NEDD4L: variants seen among roughly 807,000 people sequenced by gnomAD.
NEDD4L encodes NEDD4 like E3 ubiquitin protein ligase, also known as E3 ubiquitin-protein ligase NEDD4-like.
Under a neutral mutation model 148.9 loss-of-function variants are expected in NEDD4L, and 54 were observed. That is an observed-to-expected ratio of 0.36 (90% CI 0.29 to 0.45). The LOEUF is 0.45. Among genes scored for constraint, NEDD4L ranks in the 20% least tolerant of loss-of-function variants. The pLI is 1.00. For missense variants in NEDD4L, 856 were observed against 1,233.8 expected, an observed-to-expected ratio of 0.69 and a Z score of 4.59; for synonymous variants, 433 against 440.7, an observed-to-expected ratio of 0.98 and a Z score of 0.22.
At chr18:58,118,619 T>C (rs2086014193) in intron 1 of NEDD4L, among the ~76,000 whole-genome samples, 1 of 152,180 alleles carries the variant, frequency 6.6e-6, no homozygotes, top group Admixed American at 6.6e-5. Flanking sequence ...TTTGTGTGTA[T>C]GTATGTGTCT....
rs762132975 is a variant in NEDD4L at position 58,093,637 on chromosome 18, G to C, written c.48+48929G>C. Reference sequence around the variant, plus strand: ...GAGACTTTCTCACGGAAAGAAGTGCGATACAGTTGGTGGTAGTCTTATATT... The same window carrying C: ...GAGACTTTCTCACGGAAAGAAGTGCCATACAGTTGGTGGTAGTCTTATATT... On this transcript the variant is annotated intron_variant, in intron 1 of 30. Transcript: ENST00000400345. 2.6e-5 allele frequency among the ~76,000 whole-genome samples: 4 copies of C among 152,250 alleles called. No homozygotes were observed. The South Asian group carries it at 8.3e-4, about 32-fold the overall frequency.
chr18:58,223,686 G>A (rs1041695652), intron 2 of NEDD4L, among the ~76,000 whole-genome samples: 1 of 152,206 alleles, frequency 6.6e-6, no homozygotes, highest in African/African-American at 2.4e-5. Flanking sequence ...TAAATATGAT[G>A]TAGTGTGCTA....
chr18:58,116,083 C>T (rs2085814027), intron 1 of NEDD4L, among the ~76,000 whole-genome samples: 1 of 152,196 alleles, frequency 6.6e-6, no homozygotes, highest in South Asian at 2.1e-4. Context: ...TGCACAGGGA[C>T]CCAGCGCACA....
At chr18:58,371,300 G>A (rs2046846490) in intron 23 of NEDD4L, among the ~76,000 whole-genome samples, 1 of 142,660 alleles carries the variant, frequency 7.0e-6, no homozygotes, top group African/African-American at 2.7e-5. Context: ...TGATCCTCTT[G>A]CCTCATCCTC....
chr18:58,340,936 C>A, intron 13 of NEDD4L, 102 bp from the exon 14 acceptor site: 1 of 1,231,242 alleles, frequency 8.1e-7, no homozygotes, highest in South Asian at 1.5e-5. Flanking sequence ...ATCTAATTAA[C>A]TTTGTCTAGA....
At chr18:58,201,282 G>A (rs1008298064) in intron 2 of NEDD4L, among the ~76,000 whole-genome samples, 20 of 152,078 alleles carry the variant, frequency 1.3e-4, no homozygotes, top group African/African-American at 4.1e-4. Flanking sequence ...GCAGTGAGCC[G>A]AGATCACGCC....
chr18:58,247,247 T>C (rs1157310497), intron 3 of NEDD4L: 2 of 152,168 alleles, frequency 1.3e-5, no homozygotes, highest in African/African-American at 4.8e-5. Flanking sequence ...CCAGGTCCTT[T>C]TGTGTAAGGA....
intron 14 of NEDD4L, 108 bp from the exon 15 acceptor site, chr18:58,341,570 C>A: frequency 8.2e-7 from 1 of 1,219,452 alleles, no homozygotes; most frequent in Non-Finnish European, 1.2e-6. Flanking sequence ...TTTAAATAGG[C>A]CAGACCTCTT....
At chr18:58,273,987 C>T (rs927197658) in intron 5 of NEDD4L, among the ~76,000 whole-genome samples, 2 of 152,188 alleles carry the variant, frequency 1.3e-5, no homozygotes, top group African/African-American at 4.8e-5. Context: ...TTGGGGTTGC[C>T]CTGAAGTGAT....
intron 5 of NEDD4L, among the ~76,000 whole-genome samples, chr18:58,252,727 T>A (rs1026278749): frequency 6.6e-6 from 1 of 152,166 alleles, no homozygotes; most frequent in Non-Finnish European, 1.5e-5. Flanking sequence ...TTTATTGTTT[T>A]TAATTTTTTT....
intron 1 of NEDD4L, among the ~76,000 whole-genome samples, chr18:58,051,408 AGT>A (rs1407991824): frequency 6.6e-6 from 1 of 152,230 alleles, no homozygotes; most frequent in Admixed American, 6.5e-5. Flanking sequence ...AGAATGATTG[AGT>A]GTGACATTAT....
At chr18:58,084,847 G>A (rs961937849) in intron 1 of NEDD4L, among the ~76,000 whole-genome samples, 10 of 151,674 alleles carry the variant, frequency 6.6e-5, no homozygotes, top group East Asian at 1.9e-4. Flanking sequence ...GGTGTGTGCC[G>A]CAATGCCCAG....
At chr18:58,307,212 G>T (rs1340104130) in intron 5 of NEDD4L, among the ~76,000 whole-genome samples, 1 of 152,204 alleles carries the variant, frequency 6.6e-6, no homozygotes, top group Non-Finnish European at 1.5e-5. Context: ...GCCTTGGGAA[G>T]TTGGAGCCAT....
intron 1 of NEDD4L, among the ~76,000 whole-genome samples, chr18:58,094,673 G>A (rs1421687423): frequency 6.6e-6 from 1 of 152,080 alleles, no homozygotes; most frequent in African/African-American, 2.4e-5. Context: ...CCTTCTCCAT[G>A]GACTCCACCC....
At chr18:58,251,165 A>T (rs553355444) in intron 4 of NEDD4L, among the ~76,000 whole-genome samples, 355 of 152,272 alleles carry the variant, frequency 2.3e-3, no homozygotes, top group South Asian at 4.8e-3. Context: ...TATACATCAT[A>T]GGATTGCTGT....
rs2041757012 is a variant in NEDD4L at position 58,336,342 on chromosome 18, C to G, written c.1125+805C>G. ...CCTGTAATCCCAGCACCTTGGGAGGCTGAGGCAGGTGGATCATGAGGTCAG... is the reference window on the plus strand; with the variant it reads ...CCTGTAATCCCAGCACCTTGGGAGGGTGAGGCAGGTGGATCATGAGGTCAG... On this transcript the variant is annotated intron_variant, in intron 13 of 30. Coordinates refer to ENST00000400345, the MANE Select transcript of NEDD4L (RefSeq NM_001144967.3). Among the ~76,000 whole-genome samples the G allele has an allele frequency of 2.0e-5, 3 of 152,268 alleles. No individual in the cohort carries two copies. The South Asian group carries it at 6.2e-4, about 32-fold the overall frequency.
At chr18:58,245,077 C>A (rs183441539) in intron 2 of NEDD4L, among the ~76,000 whole-genome samples, 1 of 152,132 alleles carries the variant, frequency 6.6e-6, no homozygotes, top group Non-Finnish European at 1.5e-5. Context: ...ATTACCTAGA[C>A]GCTAGAAATA....
At chr18:58,175,231 G>A (rs1342336221) in intron 2 of NEDD4L, among the ~76,000 whole-genome samples, 1 of 152,272 alleles carries the variant, frequency 6.6e-6, no homozygotes, top group Non-Finnish European at 1.5e-5. Context: ...GCCTGCATCT[G>A]TGCAAGGCTG....
chr18:58,073,834 G>C (rs529216664), intron 1 of NEDD4L, among the ~76,000 whole-genome samples: 4 of 152,258 alleles, frequency 2.6e-5, no homozygotes, highest in African/African-American at 9.6e-5. Context: ...ACATTTGAGA[G>C]GGGCAGACTT....
Sources: allele counts gnomAD v4.1 joint callset (sites outside exome capture counted in the v4.1 genomes callset), GRCh38; gene constraint gnomAD v4.1.1; transcripts MANE v1.5; gene names NCBI Gene and HGNC (gene_info 2026-07-23, HGNC 2026-07-21).